Variants in MFN1 observed in about 807,000 individuals in gnomAD.
MFN1 encodes the protein mitofusin 1.
Under a neutral mutation model 92.4 loss-of-function variants are expected in MFN1, and 65 were observed. The observed-to-expected ratio is 0.70, with a 90% CI of 0.58 to 0.86. The LOEUF (loss-of-function observed/expected upper bound fraction) is 0.86. MFN1 is among the 40% of genes least tolerant of loss of function. The pLI is 0.00. For synonymous variants in MFN1, 297 were observed against 300.9 expected (o/e 0.99, Z 0.13); for missense variants, 781 against 868.0 (o/e 0.90, Z 1.26).
rs368878602 is a variant in MFN1 at position 179,385,618 on chromosome 3, C to T, written c.1712C>T (p.Thr571Met). The change falls in exon 15 of 18, where the codon ACG becomes ATG. Residue 571 changes from threonine (T) to methionine (M), a missense_variant. By Grantham distance (81) the Thr-to-Met change is moderately conservative. Coordinates refer to ENST00000471841, the MANE Select transcript of MFN1 (RefSeq NM_033540.3). ...CCCACTGCTCCTACCACTCCAGCAACGCCAGATAATGCATCACAGGAAGAA... is the reference window on the plus strand; with the variant it reads ...CCCACTGCTCCTACCACTCCAGCAATGCCAGATAATGCATCACAGGAAGAA... ...STPTAPTTPA[T>M]PDNASQEELM... 23 of 1,613,146 alleles carry T rather than the reference C, an allele frequency of 1.4e-5. No individual in the cohort carries two copies. The highest frequency in any genetic ancestry group is 8.0e-5 in the African/African-American group (6 of 74,694).
chr3:179,375,493 CGT>C, intron 10 of MFN1, 152 bp downstream of exon 10: 1 of 911,720 alleles, frequency 1.1e-6, no homozygotes, highest in Non-Finnish European at 1.7e-6. Flanking sequence ...TTTTTAAGTG[CGT>C]ATTTGAAAGT....
At chr3:179,348,689 G>A in intron 1 of MFN1, 156 bp from the exon 2 acceptor site, 1 of 1,120,872 alleles carries the variant, frequency 8.9e-7, no homozygotes, top group Non-Finnish European at 1.2e-6. Context: ...GTCTCTAACT[G>A]TCTGACTAGA....
intron 7 of MFN1, among the ~76,000 whole-genome samples, chr3:179,366,342 A>G (rs1171696419): frequency 6.6e-6 from 1 of 151,388 alleles, no homozygotes; most frequent in African/African-American, 2.4e-5. Flanking sequence ...GTCGATTTAT[A>G]CTCCTGCCAG....
Position 179,378,284 on chromosome 3 carries a change from T to C in MFN1, c.1330-57T>C, listed in dbSNP as rs748514170. 38 of 1,311,678 alleles carry C rather than the reference T, an allele frequency of 2.9e-5. No individual in the cohort carries two copies. In the Middle Eastern group the frequency reaches 7.5e-4, roughly 26 times the overall value. 81.3% of individuals were successfully genotyped at this position (1,311,678 alleles called of 1,614,324 possible). ...ATTTACTGAATATTTTATGTCTTTA[T>C]AAAAACTACATACTTTCTGGAGAAA... On this transcript the variant is annotated intron_variant, in intron 12 of 17. Transcript: ENST00000471841.
At position 179,372,097 on chromosome 3, in the gene MFN1, TATA is replaced by T. The variant is rs1713047113; in HGVS notation, c.976-3120_976-3118del. On this transcript the variant is annotated intron_variant, in intron 9 of 17. Coordinates refer to ENST00000471841, the MANE Select transcript of MFN1 (RefSeq NM_033540.3). ...ATATAATACATATATAAATATTATA[TATA>T]ATGTTATATATAAATATTATATATA... 2.0e-5 allele frequency among the ~76,000 whole-genome samples: 3 copies of T among 147,182 alleles called. No homozygotes were observed. In the South Asian group the frequency reaches 6.3e-4, roughly 31 times the overall value.
At chr3:179,381,399 T>C (rs572786993) in intron 14 of MFN1, among the ~76,000 whole-genome samples, 1 of 152,342 alleles carries the variant, frequency 6.6e-6, no homozygotes, top group East Asian at 1.9e-4. Context: ...ACCGGAACTT[T>C]TTAATCAAAA....
intron 16 of MFN1, among the ~76,000 whole-genome samples, chr3:179,389,343 A>G (rs1381751430): frequency 3.3e-5 from 5 of 152,220 alleles, no homozygotes; most frequent in Admixed American, 2.0e-4. Context: ...CCTCCCACGC[A>G]GCAGTTCATG....
At chr3:179,361,776 G>T (rs1007749687) in intron 4 of MFN1, among the ~76,000 whole-genome samples, 1 of 152,064 alleles carries the variant, frequency 6.6e-6, no homozygotes, top group Non-Finnish European at 1.5e-5. Context: ...GACCTCAGTT[G>T]ATCCACCTGC....
chr3:179,358,879 G>A lies in MFN1; in HGVS notation c.288G>A (p.Leu96=). The change falls in exon 4 of 18, where the codon TTG becomes TTA. Residue 96 remains leucine (L), a synonymous_variant. Coordinates refer to ENST00000471841, the MANE Select transcript of MFN1 (RefSeq NM_033540.3). ...SGKSSVINAM[L]WDKVLPSGIG... ...AGAGCTCTGTTATCAATGCAATGTT[G>A]TGGGATAAAGTTCTCCCTAGTGGGA... 1 of 1,613,906 alleles carries A rather than the reference G, an allele frequency of 6.2e-7. No homozygotes were observed. Among genetic ancestry groups the A allele is most frequent in the Non-Finnish European group, 8.5e-7 (1 of 1,179,962 alleles).
At chr3:179,385,757 A>T (rs1473804540) in intron 15 of MFN1, 36 bp downstream of exon 15, 2 of 1,595,298 alleles carry the variant, frequency 1.3e-6, no homozygotes, top group South Asian at 2.2e-5. Context: ...TTAAAATCGA[A>T]ATGTTTGCAA....
At chr3:179,359,143 G>A (rs1328970414) in intron 4 of MFN1, 141 bp downstream of exon 4, 65 of 1,034,244 alleles carry the variant, frequency 6.3e-5, no homozygotes, top group Non-Finnish European at 8.1e-5. Flanking sequence ...TTTTTTAGAC[G>A]GAATTTCGCT....
intron 9 of MFN1, among the ~76,000 whole-genome samples, chr3:179,369,296 C>T (rs564463992): frequency 1.3e-5 from 2 of 152,134 alleles, no homozygotes; most frequent in South Asian, 2.1e-4. Flanking sequence ...ATTGCAGCCT[C>T]GAACTCCTGG....
intron 14 of MFN1, among the ~76,000 whole-genome samples, chr3:179,384,215 A>T (rs955300179): frequency 4.6e-5 from 7 of 152,224 alleles, no homozygotes; most frequent in African/African-American, 7.2e-5. Context: ...AACACTATCC[A>T]TTCACCAGTT....
Position 179,377,440 on chromosome 3 carries a change from T to C in MFN1, c.1321T>C (p.Tyr441His). The C allele has an allele frequency of 1.3e-6, 2 of 1,549,908 alleles. No individual in the cohort carries two copies. Among genetic ancestry groups the C allele is most frequent in the Non-Finnish European group, 8.9e-7 (1 of 1,128,686 alleles). ...TCCTAATCCAGATGTATTAAAAATA[T>C]ATAAAAGTGTAAGTTAAAGTATAGA... The part of the protein sequence containing the change: ...FHPNPDVLKI[Y>H]KSELNKHIED... The change falls in exon 12 of 18, where the codon TAT becomes CAT. Residue 441 changes from tyrosine (Y) to histidine (H), a missense_variant. Physicochemically the swap from Tyr to His is moderately conservative, Grantham distance 83 (BLOSUM62 2). Coordinates refer to ENST00000471841, the MANE Select transcript of MFN1 (RefSeq NM_033540.3).
intron 14 of MFN1, among the ~76,000 whole-genome samples, chr3:179,382,781 A>G (rs1440481694): frequency 1.3e-5 from 2 of 152,086 alleles, no homozygotes; most frequent in Admixed American, 6.6e-5. Context: ...GTGTGAGATG[A>G]TATCTCATTG....
At chr3:179,362,159 G>T (rs1010245939) in intron 4 of MFN1, among the ~76,000 whole-genome samples, 199 bp from the exon 5 acceptor site, 4 of 152,156 alleles carry the variant, frequency 2.6e-5, no homozygotes, top group Admixed American at 2.6e-4. Flanking sequence ...TCTGTTGCTG[G>T]AGTTCTTTTT....
intron 3 of MFN1, among the ~76,000 whole-genome samples, chr3:179,355,909 A>T (rs1353882111): frequency 6.6e-6 from 1 of 152,034 alleles, no homozygotes; most frequent in Non-Finnish European, 1.5e-5. Flanking sequence ...CTTACATCGC[A>T]CCACTGCACT....
intron 10 of MFN1, 161 bp from the exon 11 acceptor site, chr3:179,376,881 C>A: frequency 3.4e-6 from 2 of 580,652 alleles, no homozygotes; most frequent in South Asian, 3.4e-5. Context: ...ATATAAAATA[C>A]TTTATAAGTG....
At chr3:179,369,074 G>A (rs1309283619) in intron 9 of MFN1, among the ~76,000 whole-genome samples, 1 of 152,190 alleles carries the variant, frequency 6.6e-6, no homozygotes, top group African/African-American at 2.4e-5. Context: ...AGATCTAATT[G>A]TTCAGAGGCT....
Sources: allele counts gnomAD v4.1 joint callset (sites outside exome capture counted in the v4.1 genomes callset), GRCh38; gene constraint gnomAD v4.1.1; transcripts MANE v1.5; gene names NCBI Gene and HGNC (gene_info 2026-07-23, HGNC 2026-07-21).